The following PSMD12 variants were observed in gnomAD, a reference collection of about 807,000 sequenced individuals.
PSMD12 encodes proteasome 26S subunit, non-ATPase 12, also known as 26S proteasome non-ATPase regulatory subunit 12.
PSMD12 carries 8 observed loss-of-function variants against 62.9 expected under a neutral mutation model. That is an observed-to-expected ratio of 0.13 (90% CI 0.07 to 0.23). The LOEUF (loss-of-function observed/expected upper bound fraction) is 0.23. PSMD12 is among the 10% of genes least tolerant of loss of function. The pLI, the probability that PSMD12 is intolerant of heterozygous loss-of-function variation, is 1.00. For synonymous variants in PSMD12, 173 were observed against 187.4 expected (o/e 0.92, Z 0.63); for missense variants, 424 against 550.2 (o/e 0.77, Z 2.29).
rs747019679 is a variant in PSMD12, at chr17:67,340,997, A to G, written c.1217T>C (p.Val406Ala). ...GTTGATAATTCCTGCTAATCTGTCT[A>G]CTTTAGCAAAGATGGTCTTGTTAAC... ...LVVNKTIFAK[V>A]DRLAGIINFQ... Residue 406 changes from valine to alanine, a missense_variant, in exon 11 of 11, where the codon GTA becomes GCA. Val to Ala is a moderately conservative substitution (Grantham distance 64). Coordinates refer to ENST00000356126, the MANE Select transcript of PSMD12 (RefSeq NM_002816.5). 6.4e-6 allele frequency: 10 copies of G among 1,560,586 alleles called. No homozygotes were observed. The African/African-American group carries it at 1.1e-4, about 18-fold the overall frequency.
intron 3 of PSMD12, among the ~76,000 whole-genome samples, chr17:67,353,318 C>T (rs1274919880): frequency 6.6e-6 from 1 of 151,412 alleles, no homozygotes; most frequent in African/African-American, 2.4e-5. Flanking sequence ...TCCCCCCGCT[C>T]CCTCTCTCTT....
At chr17:67,343,535 T>A (rs527958060) in intron 9 of PSMD12, among the ~76,000 whole-genome samples, 38 of 152,212 alleles carry the variant, frequency 2.5e-4, no homozygotes, top group African/African-American at 8.4e-4. Flanking sequence ...AAACCTCACC[T>A]CAATCATCGA....
chr17:67,358,581 A>AAAAG (rs1271288246), intron 1 of PSMD12, among the ~76,000 whole-genome samples: 10 of 150,792 alleles, frequency 6.6e-5, no homozygotes, highest in African/African-American at 2.2e-4. Flanking sequence ...AAAAAAAAAA[A>AAAAG]AAAAAGAAAA....
intron 2 of PSMD12, 23 bp from the exon 3 acceptor site, chr17:67,357,454 A>T: frequency 6.2e-7 from 1 of 1,613,322 alleles, no homozygotes; most frequent in Non-Finnish European, 8.5e-7. Context: ...AAATATATTG[A>T]AAGTTAATGG....
intron 3 of PSMD12, 152 bp from the exon 4 acceptor site, chr17:67,350,488 T>G (rs2042007349): frequency 1.9e-6 from 1 of 518,930 alleles, no homozygotes; most frequent in African/African-American, 2.0e-5. Flanking sequence ...GAAATCTCAC[T>G]GATACCTAAA....
At position 67,340,933 on chromosome 17, in the gene PSMD12, G is replaced by A. The variant is rs1179535025; in HGVS notation, c.1281C>T (p.Asp427=). 6.3e-7 allele frequency: 1 copy of A among 1,584,742 alleles called. No homozygotes were observed. The highest frequency in any genetic ancestry group is 8.5e-7 in the Non-Finnish European group (1 of 1,170,504). Reference sequence around the variant, plus strand: ...TTAATGAGTTCAGTTTCTGAGACCAGTCATTTAATAAATTATTTGGATCCT... The same window carrying A: ...TTAATGAGTTCAGTTTCTGAGACCAATCATTTAATAAATTATTTGGATCCT... ...RPKDPNNLLN[D]WSQKLNSLMS... Residue 427 remains aspartate (D), a synonymous_variant, in exon 11 of 11, where the codon GAC becomes GAT. Coordinates refer to ENST00000356126, the MANE Select transcript of PSMD12 (RefSeq NM_002816.5).
intron 9 of PSMD12, among the ~76,000 whole-genome samples, chr17:67,343,727 G>T (rs1167655683): frequency 1.3e-5 from 2 of 151,484 alleles, no homozygotes; most frequent in South Asian, 2.1e-4. Context: ...TTTTTGAGAC[G>T]GCGTCTTGCT....
chr17:67,356,327 G>A (rs2042071224), intron 3 of PSMD12, among the ~76,000 whole-genome samples: 1 of 151,648 alleles, frequency 6.6e-6, no homozygotes, highest in Admixed American at 6.6e-5. Context: ...GGGAGGCCGA[G>A]GCGGGCGGAT....
Position 67,347,470 on chromosome 17 carries a change from A to G in PSMD12, c.526T>C (p.Ser176Pro). Residue 176 changes from serine to proline, a missense_variant, in exon 6 of 11, where the codon TCA (serine) becomes CCA (proline). Coordinates refer to ENST00000356126, the MANE Select transcript of PSMD12 (RefSeq NM_002816.5). Reference sequence around the variant, plus strand: ...TCCACTCGCTCTTTCTTTTCCATTGACCCGTAGGTTTCCACCTAGCACAGT... The same window carrying G: ...TCCACTCGCTCTTTCTTTTCCATTGGCCCGTAGGTTTCCACCTAGCACAGT... ...LQELQVETYGSMEKKERVEFI... is the reference protein window; with the variant it reads ...LQELQVETYGPMEKKERVEFI... The G allele has an allele frequency of 6.2e-7, 1 of 1,613,316 alleles. No individual in the cohort carries two copies. The highest frequency in any genetic ancestry group is 1.1e-5 in the South Asian group (1 of 91,036).
At chr17:67,361,988 G>A (rs1440066900) in intron 1 of PSMD12, among the ~76,000 whole-genome samples, 2 of 148,994 alleles carry the variant, frequency 1.3e-5, no homozygotes, top group Non-Finnish European at 3.0e-5. Context: ...TTACTGGAAC[G>A]CTAAGCTTGT....
chr17:67,357,092 C>T (rs923731754), intron 3 of PSMD12: 1 of 507,866 alleles, frequency 2.0e-6, no homozygotes, highest in East Asian at 3.5e-5. Context: ...AAGTACAACA[C>T]AATTTTTAAA....
chr17:67,357,113 C>CAT, intron 3 of PSMD12, 190 bp downstream of exon 3: 2 of 576,114 alleles, frequency 3.5e-6, no homozygotes, highest in Non-Finnish European at 5.6e-6. Context: ...AATATGCAAA[C>CAT]ATATAAAGAC....
intron 3 of PSMD12, 119 bp downstream of exon 3, chr17:67,357,184 C>T: frequency 9.0e-7 from 1 of 1,113,296 alleles, no homozygotes; most frequent in Non-Finnish European, 1.2e-6. Flanking sequence ...TTTTAAAACA[C>T]CCTCTAGGAT....
At chr17:67,346,338 T>A (rs2041966041) in intron 7 of PSMD12, among the ~76,000 whole-genome samples, 1 of 149,952 alleles carries the variant, frequency 6.7e-6, no homozygotes, top group Admixed American at 6.7e-5. Flanking sequence ...GAGCTTGCAG[T>A]GAGCCGAGAT....
At chr17:67,363,312 T>C (rs887338386) in intron 1 of PSMD12, among the ~76,000 whole-genome samples, 1 of 152,140 alleles carries the variant, frequency 6.6e-6, no homozygotes, top group African/African-American at 2.4e-5. Context: ...CCACAACACC[T>C]GGCTAATTTT....
chr17:67,363,000 G>C (rs1197014010), intron 1 of PSMD12: 1 of 152,166 alleles, frequency 6.6e-6, no homozygotes, highest in African/African-American at 2.4e-5. Context: ...ATGGGTGTTA[G>C]GACAGACATA....
Position 67,339,741 on chromosome 17 carries a change from T to G in PSMD12, c.*1102A>C, listed in dbSNP as rs1208616917. ...TTTAAATAACCTTCTAACATTGTTT[T>G]TTCTATTTTCTCTGAAATAAATCAA... On this transcript the variant is annotated 3_prime_UTR_variant, in exon 11 of 11. Coordinates refer to ENST00000356126, the MANE Select transcript of PSMD12 (RefSeq NM_002816.5). 1.3e-5 allele frequency: 2 copies of G among 152,216 alleles called. No homozygotes were observed. Among genetic ancestry groups the G allele is most frequent in the Admixed American group, 1.3e-4 (2 of 15,286 alleles). 9.4% of individuals were successfully genotyped at this position (152,216 alleles called of 1,614,324 possible).
chr17:67,359,320 A>G (rs1351751858), intron 1 of PSMD12, among the ~76,000 whole-genome samples: 1 of 152,196 alleles, frequency 6.6e-6, no homozygotes, highest in East Asian at 1.9e-4. Context: ...GTACCACTGC[A>G]CTCCAGCCTG....
intron 1 of PSMD12, among the ~76,000 whole-genome samples, chr17:67,365,457 C>T (rs1331687465): frequency 6.6e-6 from 1 of 152,118 alleles, no homozygotes; most frequent in Non-Finnish European, 1.5e-5. Context: ...AGCACGGTGC[C>T]TGACACTGCA....
Sources: allele counts gnomAD v4.1 joint callset (sites outside exome capture counted in the v4.1 genomes callset), GRCh38; gene constraint gnomAD v4.1.1; transcripts MANE v1.5; gene names NCBI Gene and HGNC (gene_info 2026-07-23, HGNC 2026-07-21).